KLF8: variants seen among roughly 807,000 people sequenced by gnomAD.
KLF8 encodes the protein KLF transcription factor 8, also known as Krueppel-like factor 8.
In KLF8, 10 loss-of-function variants were observed where a neutral mutation model predicts 18.2. The ratio of observed to expected loss-of-function variants is 0.55; its 90% confidence interval spans 0.34 to 0.93. The LOEUF (loss-of-function observed/expected upper bound fraction) is 0.93, where lower values mean the gene tolerates loss of function less well. Among genes scored for constraint, KLF8 ranks in the 40% least tolerant of loss-of-function variants. The probability of loss-of-function intolerance (pLI) is 0.02; values close to 1 mark genes in which losing one functional copy is unlikely to be tolerated. For synonymous variants in KLF8, 109 were observed against 97.3 expected (o/e 1.12, Z -0.71); for missense variants, 264 against 277.9 (o/e 0.95, Z 0.36).
chrX:56,133,746 G>T, the KLF8 span, among the ~76,000 whole-genome samples: 1 of 111,318 alleles, frequency 9.0e-6, no homozygotes, highest in East Asian at 2.8e-4. Context: ...CTGATGATAT[G>T]ATTGTATACC....
At chrX:56,119,205 C>T in the KLF8 span, among the ~76,000 whole-genome samples, 1 of 111,045 alleles carries the variant, frequency 9.0e-6, no homozygotes, top group Non-Finnish European at 1.9e-5. Context: ...TACTGGGGTC[C>T]GCTTTGACAG....
the KLF8 span, among the ~76,000 whole-genome samples, chrX:56,189,370 A>G: frequency 9.0e-6 from 1 of 111,611 alleles, no homozygotes; most frequent in Non-Finnish European, 1.9e-5. Context: ...TCAGGAAACA[A>G]CAGGTGCTGG....
chrX:55,966,492 A>G, the KLF8 span, among the ~76,000 whole-genome samples: 3 of 112,032 alleles, frequency 2.7e-5, no homozygotes, highest in Non-Finnish European at 3.8e-5. Flanking sequence ...TTCTTCCACA[A>G]CTTATCTAGG....
chrX:56,030,847 C>A, the KLF8 span, among the ~76,000 whole-genome samples: 5 of 108,928 alleles, frequency 4.6e-5, no homozygotes, highest in Non-Finnish European at 9.5e-5. Context: ...GAGTGAGGAC[C>A]TTCCTTAACT....
the KLF8 span, among the ~76,000 whole-genome samples, chrX:56,218,400 C>T: frequency 9.0e-6 from 1 of 111,281 alleles, no homozygotes; most frequent in African/African-American, 3.3e-5. Flanking sequence ...TGGTTCAAAA[C>T]ATGTTCTGTG....
At chrX:56,137,403 C>T in the KLF8 span, among the ~76,000 whole-genome samples, 1 of 105,918 alleles carries the variant, frequency 9.4e-6, no homozygotes, top group Non-Finnish European at 1.9e-5. Context: ...GGCACATATA[C>T]ACCATGGAAT....
the KLF8 span, among the ~76,000 whole-genome samples, chrX:55,933,417 G>A: frequency 9.0e-6 from 1 of 111,636 alleles, no homozygotes; most frequent in Admixed American, 9.6e-5. Context: ...CTGAAATAAA[G>A]CTCTGCTTTT....
At chrX:55,966,523 A>G in the KLF8 span, among the ~76,000 whole-genome samples, 2 of 112,305 alleles carry the variant, frequency 1.8e-5, no homozygotes, top group Non-Finnish European at 3.8e-5. Flanking sequence ...CATTACCTCT[A>G]TGAGTCTGCA....
the KLF8 span, among the ~76,000 whole-genome samples, chrX:56,182,718 A>G: frequency 8.9e-6 from 1 of 111,813 alleles, no homozygotes; most frequent in Non-Finnish European, 1.9e-5. Flanking sequence ...GGTCTGTTGG[A>G]GTTTGTAGGA....
At chrX:56,104,103 A>G in the KLF8 span, among the ~76,000 whole-genome samples, 1 of 111,806 alleles carries the variant, frequency 8.9e-6, no homozygotes, top group Non-Finnish European at 1.9e-5. Flanking sequence ...GTGCTGCTGG[A>G]TTCAGTTTGC....
At chrX:56,202,865 G>A in the KLF8 span, among the ~76,000 whole-genome samples, 3 of 110,806 alleles carry the variant, frequency 2.7e-5, no homozygotes, top group African/African-American at 9.8e-5. Context: ...CTTAGCTGTG[G>A]TAAACCCTGC....
the KLF8 span, among the ~76,000 whole-genome samples, chrX:56,121,356 C>T: frequency 0.036 from 4,027 of 110,474 alleles, 85 homozygotes; most frequent in Non-Finnish European, 0.061. Flanking sequence ...GAATAGCCTG[C>T]AGTTAGAGAA....
the KLF8 span, among the ~76,000 whole-genome samples, chrX:55,949,716 G>A: frequency 9.2e-6 from 1 of 109,195 alleles, no homozygotes; most frequent in African/African-American, 3.3e-5. Context: ...GCTTAAACCC[G>A]GGAGGCAGGG....
chrX:56,168,981 G>C, the KLF8 span, among the ~76,000 whole-genome samples: 1 of 111,703 alleles, frequency 9.0e-6, no homozygotes, highest in Admixed American at 9.6e-5. Context: ...CAAAGCTCTA[G>C]TAACAAAATA....
chrX:56,267,062 A>G, intron 3 of KLF8: 2 of 754,521 alleles, frequency 2.7e-6, no homozygotes, highest in African/African-American at 2.3e-5. Context: ...CTCGTGTGAC[A>G]GTTTATGCTG....
the KLF8 span, among the ~76,000 whole-genome samples, chrX:55,946,323 A>G: frequency 9.0e-6 from 1 of 111,601 alleles, no homozygotes; most frequent in East Asian, 2.8e-4. Flanking sequence ...GCCCTCAGAA[A>G]TAACACCACA....
At chrX:56,202,239 T>A in the KLF8 span, among the ~76,000 whole-genome samples, 3 of 110,542 alleles carry the variant, frequency 2.7e-5, no homozygotes, top group Admixed American at 9.7e-5. Context: ...AGTCTTTTGA[T>A]CTGTCTTTTT....
chrX:56,050,021 C>T, the KLF8 span, among the ~76,000 whole-genome samples: 6 of 111,318 alleles, frequency 5.4e-5, no homozygotes, highest in African/African-American at 2.0e-4. Flanking sequence ...CAGGAATTTA[C>T]ACATTTCTTC....
At chrX:56,219,153 A>G in the KLF8 span, among the ~76,000 whole-genome samples, 1 of 112,215 alleles carries the variant, frequency 8.9e-6, no homozygotes, top group Non-Finnish European at 1.9e-5. Flanking sequence ...TTGAATTTGT[A>G]TGATGAAATA....
Sources: allele counts gnomAD v4.1 joint callset (sites outside exome capture counted in the v4.1 genomes callset), GRCh38; gene constraint gnomAD v4.1.1; transcripts MANE v1.5; gene names NCBI Gene and HGNC (gene_info 2026-07-23, HGNC 2026-07-21).